MYBL2: variants seen among roughly 807,000 people sequenced by gnomAD.
MYBL2 encodes MYB proto-oncogene like 2.
MYBL2 carries 28 observed loss-of-function variants against 79.9 expected under a neutral mutation model. The observed-to-expected ratio is 0.35, with a 90% CI of 0.26 to 0.48. MYBL2 has a LOEUF of 0.48. Ranked by LOEUF, MYBL2 falls within the 20% of genes least tolerant of loss-of-function variation. The pLI is 0.99. For missense variants in MYBL2, 735 were observed against 893.9 expected (o/e 0.82, Z 2.27); for synonymous variants, 378 against 361.2 (o/e 1.05, Z -0.53).
rs545690850 is a variant in MYBL2, at chr20:43,680,505, T to A, written c.115-1279T>A. Among the ~76,000 whole-genome samples, 162 of 152,282 alleles carry A rather than the reference T, an allele frequency of 1.1e-3. 4 individuals are homozygous for A. The highest frequency in any genetic ancestry group is 1.2e-3 in the Non-Finnish European group (83 of 68,018). ...ATGACATTTTCTTTCTTTTTTCTTT[T>A]GTTTGAGATGGAGTCTCACTCTTGC... On this transcript the variant is annotated intron_variant, in intron 2 of 13. Coordinates refer to ENST00000217026, the MANE Select transcript of MYBL2 (RefSeq NM_002466.4).
At chr20:43,695,160 A>G (rs1275603743) in intron 6 of MYBL2, among the ~76,000 whole-genome samples, 2 of 151,680 alleles carry the variant, frequency 1.3e-5, no homozygotes, top group African/African-American at 4.8e-5. Flanking sequence ...CAGCCTCCTG[A>G]GTAGCTGGGA....
At chr20:43,686,202 G>A (rs565134978) in intron 4 of MYBL2, among the ~76,000 whole-genome samples, 1 of 152,260 alleles carries the variant, frequency 6.6e-6, no homozygotes, top group African/African-American at 2.4e-5. Context: ...CCAGTTTCTT[G>A]TGGCCTGTGT....
At chr20:43,698,847 C>CTT (rs1201867647) in intron 6 of MYBL2, among the ~76,000 whole-genome samples, 1 of 108,544 alleles carries the variant, frequency 9.2e-6, no homozygotes, top group Admixed American at 9.3e-5. Flanking sequence ...TCCCCCCTCC[C>CTT]TTTTTTTTTT....
In MYBL2 at chr20:43,700,677, C is replaced by T. The variant is rs150519967; in HGVS notation, c.951+633C>T. ...GGAGTTCAGTATGGGGGTCCGTGTT[C>T]GCCTTTCCACCCAGGTGTCTCCCAT... On this transcript the variant is annotated intron_variant, in intron 7 of 13. Transcript: ENST00000217026. Among the ~76,000 whole-genome samples the T allele has an allele frequency of 2.9e-3, 449 of 152,218 alleles. 2 individuals are homozygous for T. The highest frequency in any genetic ancestry group is 4.0e-3 in the Non-Finnish European group (274 of 68,010).
chr20:43,714,690 C>T (rs974098022), intron 12 of MYBL2, among the ~76,000 whole-genome samples: 2 of 151,970 alleles, frequency 1.3e-5, no homozygotes, highest in African/African-American at 2.4e-5. Flanking sequence ...TGCAGTGGTG[C>T]AATCTCGGCT....
At chr20:43,700,134 A>G in intron 7 of MYBL2, 90 bp downstream of exon 7, 3 of 1,501,090 alleles carry the variant, frequency 2.0e-6, no homozygotes, top group Non-Finnish European at 2.7e-6. Context: ...TGCTCATTCC[A>G]TCGCCCTGCT....
chr20:43,708,765 C>T (rs1018436944), intron 9 of MYBL2, among the ~76,000 whole-genome samples: 5 of 152,156 alleles, frequency 3.3e-5, no homozygotes, highest in African/African-American at 4.8e-5. Context: ...GTTGATGCCA[C>T]GAATTAGAGA....
chr20:43,695,828 G>C (rs1007076350), intron 6 of MYBL2, among the ~76,000 whole-genome samples: 3 of 152,078 alleles, frequency 2.0e-5, no homozygotes, highest in African/African-American at 7.2e-5. Flanking sequence ...AGGCGTCATG[G>C]CTTACACCTG....
intron 4 of MYBL2, 146 bp from the exon 5 acceptor site, chr20:43,686,706 C>G: frequency 1.4e-6 from 1 of 729,880 alleles, no homozygotes; most frequent in Non-Finnish European, 2.2e-6. Context: ...TGGGTGGCAT[C>G]CCCTGCAGCT....
At chr20:43,701,141 G>T (rs932626521) in intron 7 of MYBL2, among the ~76,000 whole-genome samples, 1 of 152,220 alleles carries the variant, frequency 6.6e-6, no homozygotes, top group East Asian at 1.9e-4. Flanking sequence ...CCAGGAACAG[G>T]AGTTAAACCT....
intron 1 of MYBL2, among the ~76,000 whole-genome samples, chr20:43,670,552 G>T (rs769229065): frequency 1.3e-5 from 2 of 152,030 alleles, no homozygotes; most frequent in Non-Finnish European, 2.9e-5. Flanking sequence ...TCAGTCCCTG[G>T]GCAAACATTT....
At position 43,716,255 on chromosome 20, in the gene MYBL2, G is replaced by A; in HGVS notation, c.*168G>A. 1.0e-6 allele frequency: 1 copy of A among 988,926 alleles called. No individual in the cohort carries two copies. Among genetic ancestry groups the A allele is most frequent in the Non-Finnish European group, 1.4e-6 (1 of 711,688 alleles). 61.3% of individuals were successfully genotyped at this position (988,926 alleles called of 1,614,324 possible). On this transcript the variant is annotated 3_prime_UTR_variant, in exon 14 of 14. Transcript: ENST00000217026. ...CAACAGGGCCATGTGCTGCCCTGTT[G>A]CCGAGCCCAGCTGTGGGCGGCTCCT...
intron 1 of MYBL2, among the ~76,000 whole-genome samples, chr20:43,670,962 TTTTTTTC>T (rs1024168190): frequency 5.3e-4 from 3 of 5,626 alleles, no homozygotes; most frequent in Non-Finnish European, 1.2e-3. Context: ...TATGATTTCT[TTTTTTTC>T]TTTTTTTTTT....
chr20:43,688,398 C>A (rs1487283358), intron 5 of MYBL2, among the ~76,000 whole-genome samples: 2 of 152,050 alleles, frequency 1.3e-5, no homozygotes, highest in African/African-American at 2.4e-5. Flanking sequence ...GATGGAATTT[C>A]ACCATGTTGG....
intron 11 of MYBL2, among the ~76,000 whole-genome samples, chr20:43,712,776 G>T (rs1183191563): frequency 6.6e-6 from 1 of 152,138 alleles, no homozygotes; most frequent in Non-Finnish European, 1.5e-5. Flanking sequence ...GCAGCACCTG[G>T]CAGGATAGGG....
Position 43,713,029 on chromosome 20 carries a change from C to T in MYBL2, c.1747C>T (p.Arg583Trp), listed in dbSNP as rs1987946727. 6.2e-7 allele frequency: 1 copy of T among 1,612,788 alleles called. No homozygotes were observed. Among genetic ancestry groups the T allele is most frequent in the Non-Finnish European group, 8.5e-7 (1 of 1,179,478 alleles). ...GLRRSPIKKV[R>W]KSLALDIVDE... ...GCGGCGGAGCCCCATCAAGAAAGTCCGGAAGTCTCTGGCTCTTGACATTGT... is the reference window on the plus strand; with the variant it reads ...GCGGCGGAGCCCCATCAAGAAAGTCTGGAAGTCTCTGGCTCTTGACATTGT... The change falls in exon 12 of 14, where the codon CGG becomes TGG. Residue 583 changes from arginine to tryptophan, a missense_variant. Physicochemically the swap from Arg to Trp is moderately radical, Grantham distance 101 (BLOSUM62 -3). This residue lies in a region of MYBL2 where 204 missense variants were observed against 202.9 expected (regional missense o/e 1.01). Coordinates refer to ENST00000217026, the MANE Select transcript of MYBL2 (RefSeq NM_002466.4).
intron 1 of MYBL2, among the ~76,000 whole-genome samples, chr20:43,667,864 A>C (rs1189667511): frequency 6.6e-6 from 1 of 152,118 alleles, no homozygotes; most frequent in Non-Finnish European, 1.5e-5. Flanking sequence ...TGTCTCTCCC[A>C]CCTGGGTTCC....
Position 43,667,309 on chromosome 20 carries a change from A to T in MYBL2, c.20+6A>T. ...ATGTCTCGGCGGACGCGCTGGTGAG[A>T]CGAGCCGGGAGGGCTTGGGCCCCTC... On this transcript the variant is annotated splice_donor_region_variant and intron_variant, in intron 1 of 13. Coordinates refer to ENST00000217026, the MANE Select transcript of MYBL2 (RefSeq NM_002466.4). 4 of 1,228,866 alleles carry T rather than the reference A, an allele frequency of 3.3e-6. No individual in the cohort carries two copies. Among genetic ancestry groups the T allele is most frequent in the Non-Finnish European group, 4.1e-6 (4 of 985,212 alleles). 76.1% of individuals were successfully genotyped at this position (1,228,866 alleles called of 1,614,324 possible). A position where few individuals can be genotyped will look rare whatever the true frequency, so the allele number is the denominator to read the frequency against.
intron 5 of MYBL2, among the ~76,000 whole-genome samples, chr20:43,687,725 A>C (rs1469254030): frequency 6.6e-6 from 1 of 152,102 alleles, no homozygotes; most frequent in Non-Finnish European, 1.5e-5. Context: ...TTAAAATAAT[A>C]ATGTTTATGG....
Sources: gnomAD v4.1 joint callset for allele counts (sites outside exome capture counted in the v4.1 genomes callset) on GRCh38, gnomAD v4.1.1 for gene constraint, gnomAD v4.1.1 regional missense constraint, MANE v1.5 for transcripts, NCBI Gene and HGNC (gene_info 2026-07-23, HGNC 2026-07-21) for gene names.